EIF4E3: variants seen among roughly 807,000 people sequenced by gnomAD.
EIF4E3 encodes eukaryotic translation initiation factor 4E family member 3.
EIF4E3 carries 26 observed loss-of-function variants against 31.7 expected under a neutral mutation model. That is an observed-to-expected ratio of 0.82 (90% CI 0.60 to 1.14). The LOEUF (loss-of-function observed/expected upper bound fraction) is 1.14, where lower values mean the gene tolerates loss of function less well. Ranked by LOEUF, EIF4E3 falls within the 50% of genes most tolerant of loss-of-function variation. The pLI is 0.00. For synonymous variants in EIF4E3, 128 were observed against 107.7 expected (o/e 1.19, Z -1.17); for missense variants, 304 against 270.9 (o/e 1.12, Z -0.86).
intron 1 of EIF4E3, among the ~76,000 whole-genome samples, chr3:71,746,978 T>C (rs922302640): frequency 3.3e-5 from 5 of 152,240 alleles, no homozygotes; most frequent in Admixed American, 1.3e-4. Context: ...TTATTATGAG[T>C]GAATAGTATT....
upstream of EIF4E3, chr3:71,754,654 T>A: frequency 6.7e-7 from 1 of 1,499,348 alleles, no homozygotes; most frequent in Admixed American, 2.0e-5. This position sits in a 1 kb window ranked among gnomAD's most constrained non-coding sequence, Gnocchi z 5.8. Flanking sequence ...CTCGTCTACC[T>A]CCGCCTGCTC....
At chr3:71,695,472 A>C (rs1043809899) in intron 4 of EIF4E3, among the ~76,000 whole-genome samples, 2 of 152,228 alleles carry the variant, frequency 1.3e-5, no homozygotes, top group Non-Finnish European at 2.9e-5. Context: ...TGAGTAAATA[A>C]AGAACATGGA....
chr3:71,697,205 C>G (rs1369460198), intron 3 of EIF4E3, among the ~76,000 whole-genome samples: 3 of 151,946 alleles, frequency 2.0e-5, no homozygotes, highest in Non-Finnish European at 4.4e-5. Context: ...TTTTTAGAGA[C>G]AGGGTCTCTC....
At position 71,680,604 on chromosome 3, in the gene EIF4E3, A is replaced by G. The variant is rs964111781; in HGVS notation, c.*4078T>C. 6.6e-6 allele frequency: 1 copy of G among 152,218 alleles called. No homozygotes were observed. The highest frequency in any genetic ancestry group is 1.5e-5 in the Non-Finnish European group (1 of 68,040). 9.4% of individuals were successfully genotyped at this position (152,218 alleles called of 1,614,324 possible). On this transcript the variant is annotated 3_prime_UTR_variant, in exon 7 of 7. Transcript: ENST00000425534. Reference sequence around the variant, plus strand: ...AAAAATAATAGAAAATAAAATCAGAACAGTATAATCTGACATGAAAGGAAT... The same window carrying G: ...AAAAATAATAGAAAATAAAATCAGAGCAGTATAATCTGACATGAAAGGAAT...
intron 3 of EIF4E3, among the ~76,000 whole-genome samples, chr3:71,698,403 A>G (rs1457628266): frequency 3.3e-5 from 5 of 152,156 alleles, no homozygotes; most frequent in African/African-American, 9.7e-5. Context: ...CCTATCAACC[A>G]TGTATCAAGG....
At chr3:71,752,332 C>G (rs945837881) in intron 1 of EIF4E3, among the ~76,000 whole-genome samples, 4 of 152,166 alleles carry the variant, frequency 2.6e-5, no homozygotes, top group African/African-American at 9.7e-5. Context: ...TCTGTCATCC[C>G]TCCTCAACAC....
At chr3:71,715,878 A>T (rs1445385014) in intron 1 of EIF4E3, among the ~76,000 whole-genome samples, 1 of 152,228 alleles carries the variant, frequency 6.6e-6, no homozygotes, top group Non-Finnish European at 1.5e-5. Flanking sequence ...TAGGAAACTG[A>T]GGCTCAGTGA....
chr3:71,699,472 C>G, intron 3 of EIF4E3, 142 bp downstream of exon 3: 1 of 751,522 alleles, frequency 1.3e-6, no homozygotes, highest in South Asian at 1.7e-5. Context: ...GGACACTTAC[C>G]CCCAGACCCT....
intron 5 of EIF4E3, among the ~76,000 whole-genome samples, chr3:71,691,683 G>A (rs2049065884): frequency 6.6e-6 from 1 of 152,176 alleles, no homozygotes; most frequent in African/African-American, 2.4e-5. Context: ...TACGACGTGT[G>A]CAATCTTCTG....
At position 71,680,822 on chromosome 3, in the gene EIF4E3, C is replaced by T. The variant is rs758458630; in HGVS notation, c.*3860G>A. 2.2e-4 allele frequency: 33 copies of T among 152,320 alleles called. No individual in the cohort carries two copies. Among genetic ancestry groups the T allele is most frequent in the Middle Eastern group, 3.4e-3 (1 of 294 alleles). 9.4% of individuals were successfully genotyped at this position (152,320 alleles called of 1,614,324 possible). A position where few individuals can be genotyped will look rare whatever the true frequency, so the allele number is the denominator to read the frequency against. ...TCACCAAACTCTTGAGTAATTTTAA[C>T]TGATCTCAATATATTCTTTTCAGAA... On this transcript the variant is annotated 3_prime_UTR_variant, in exon 7 of 7. Coordinates refer to ENST00000425534, the MANE Select transcript of EIF4E3 (RefSeq NM_001134651.2).
intron 1 of EIF4E3, among the ~76,000 whole-genome samples, chr3:71,748,181 G>T (rs748666054): frequency 1.6e-4 from 24 of 148,022 alleles, no homozygotes; most frequent in Non-Finnish European, 2.8e-4. Context: ...ACATGGGTTT[G>T]AACTGCATGG....
intron 1 of EIF4E3, among the ~76,000 whole-genome samples, chr3:71,712,628 C>CGG (rs1483521772): frequency 5.6e-4 from 4 of 7,188 alleles, no homozygotes; most frequent in African/African-American, 8.4e-4. Context: ...GTGTGTGTTG[C>CGG]GGGGGGTGGG....
chr3:71,733,084 G>A (rs2049724223), intron 1 of EIF4E3, among the ~76,000 whole-genome samples: 3 of 152,150 alleles, frequency 2.0e-5, no homozygotes, highest in Non-Finnish European at 4.4e-5. Context: ...ATGCTCGTTG[G>A]GGATCTAGAG....
At chr3:71,662,890 G>A in the EIF4E3 span, among the ~76,000 whole-genome samples, 1 of 152,120 alleles carries the variant, frequency 6.6e-6, no homozygotes, top group Non-Finnish European at 1.5e-5. Context: ...GGCAGAAACC[G>A]AGGGAAGATG....
chr3:71,704,019 G>A (rs903970941), intron 2 of EIF4E3, among the ~76,000 whole-genome samples: 1 of 152,204 alleles, frequency 6.6e-6, no homozygotes, highest in Non-Finnish European at 1.5e-5. Flanking sequence ...GAGTTTAATG[G>A]ATGTTTTTAA....
At chr3:71,694,016 A>G (rs2049100338) in intron 4 of EIF4E3, 75 bp from the exon 5 acceptor site, 1 of 1,399,042 alleles carries the variant, frequency 7.1e-7, no homozygotes, top group Non-Finnish European at 9.5e-7. Flanking sequence ...CAGGAGCTAA[A>G]CAAATTATGT....
In EIF4E3 at chr3:71,682,992, T is replaced by G. The variant is rs1268113362; in HGVS notation, c.*1690A>C. ...AGTCATAATTTTAAAACAAGTTGAATGTTAGTACAATGTTTGGAGAAACAA... is the reference window on the plus strand; with the variant it reads ...AGTCATAATTTTAAAACAAGTTGAAGGTTAGTACAATGTTTGGAGAAACAA... On this transcript the variant is annotated 3_prime_UTR_variant, in exon 7 of 7. Transcript: ENST00000425534. 6.6e-6 allele frequency: 1 copy of G among 152,168 alleles called. No homozygotes were observed. The highest frequency in any genetic ancestry group is 2.4e-5 in the African/African-American group (1 of 41,422). The allele number at this position is 152,168 out of a possible 1,614,324, so 9.4% of individuals were successfully genotyped here.
rs1231507520 is a variant in EIF4E3, at chr3:71,677,643, T to C, written c.*7039A>G. On this transcript the variant is annotated 3_prime_UTR_variant, in exon 7 of 7. Coordinates refer to ENST00000425534, the MANE Select transcript of EIF4E3 (RefSeq NM_001134651.2). Reference sequence around the variant, plus strand: ...TATGCCCTGCTCTTCAACGATTTCATTAAATTCGCTGTGTTAAAATTAATT... The same window carrying C: ...TATGCCCTGCTCTTCAACGATTTCACTAAATTCGCTGTGTTAAAATTAATT... 1 of 152,214 alleles carries C rather than the reference T, an allele frequency of 6.6e-6. No homozygotes were observed. 9.4% of individuals were successfully genotyped at this position (152,214 alleles called of 1,614,324 possible). A position where few individuals can be genotyped will look rare whatever the true frequency, so the allele number is the denominator to read the frequency against.
At chr3:71,745,508 A>C (rs1248962226) in intron 1 of EIF4E3, among the ~76,000 whole-genome samples, 1 of 152,166 alleles carries the variant, frequency 6.6e-6, no homozygotes, top group Non-Finnish European at 1.5e-5. Flanking sequence ...AAGTATATTC[A>C]CTGTAATTCT....
Sources: gnomAD v4.1 joint callset for allele counts (sites outside exome capture counted in the v4.1 genomes callset) on GRCh38, gnomAD v4.1.1 for gene constraint, Gnocchi (gnomAD v3.1) non-coding constraint, MANE v1.5 for transcripts, NCBI Gene and HGNC (gene_info 2026-07-23, HGNC 2026-07-21) for gene names.